The following ALX4 variants were observed in gnomAD, a reference collection of about 807,000 sequenced individuals.
The protein encoded by ALX4 is homeobox protein aristaless-like 4.
Under a neutral mutation model 40.6 loss-of-function variants are expected in ALX4, and 22 were observed. The observed-to-expected ratio is 0.54, with a 90% CI of 0.39 to 0.77. ALX4 has a LOEUF of 0.77. Among genes scored for constraint, ALX4 ranks in the 30% least tolerant of loss-of-function variants. The pLI, the probability that ALX4 is intolerant of heterozygous loss-of-function variation, is 0.00. For synonymous variants in ALX4, 266 were observed against 240.5 expected, an observed-to-expected ratio of 1.11 and a Z score of -0.98; for missense variants, 556 against 564.8, an observed-to-expected ratio of 0.98 and a Z score of 0.16.
chr11:44,265,098 C>G lies in ALX4; in HGVS notation c.992G>C (p.Cys331Ser). The G allele has an allele frequency of 1.2e-6, 2 of 1,612,598 alleles. No homozygotes were observed. Among genetic ancestry groups the G allele is most frequent in the Non-Finnish European group, 1.7e-6 (2 of 1,179,734 alleles). ...AGGGGGGTGGGCATGAGGGGACATG[C>G]AGGCAGGCACCGGGTCGCAGGGGAC... ...CVVPCDPVPA[C>S]MSPHAHPPGS... Residue 331 changes from cysteine to serine, a missense_variant, in exon 4 of 4, where the codon TGC (cysteine) becomes TCC (serine). Coordinates refer to ENST00000652299, the MANE Select transcript of ALX4 (RefSeq NM_021926.4).
chr11:44,298,547 A>T (rs1204841117), intron 1 of ALX4, among the ~76,000 whole-genome samples: 2 of 152,152 alleles, frequency 1.3e-5, no homozygotes, highest in Non-Finnish European at 2.9e-5. Context: ...CACGGAACTC[A>T]CTGTAGGGAA....
At chr11:44,300,090 A>G (rs1956426487) in intron 1 of ALX4, among the ~76,000 whole-genome samples, 1 of 152,188 alleles carries the variant, frequency 6.6e-6, no homozygotes, top group Non-Finnish European at 1.5e-5. Context: ...GCCAGGAGCC[A>G]GGCCTGGCAT....
At chr11:44,265,318 A>G (rs1242500198) in intron 3 of ALX4, 135 bp from the exon 4 acceptor site, 6 of 873,036 alleles carry the variant, frequency 6.9e-6, no homozygotes, top group Non-Finnish European at 8.7e-6. Context: ...TTTAGCCTTG[A>G]TGGACATCCA....
At chr11:44,277,487 G>A (rs1446626294) in intron 1 of ALX4, among the ~76,000 whole-genome samples, 2 of 152,174 alleles carry the variant, frequency 1.3e-5, no homozygotes, top group Non-Finnish European at 2.9e-5. Flanking sequence ...TCACGTGCAC[G>A]AGCTTTGATC....
chr11:44,265,230 T>G (rs758355772), intron 3 of ALX4, 47 bp from the exon 4 acceptor site: 4 of 1,533,904 alleles, frequency 2.6e-6, no homozygotes, highest in Middle Eastern at 2.0e-4. Context: ...GCAGGTGTGG[T>G]GTGGAAGGGG....
intron 1 of ALX4, among the ~76,000 whole-genome samples, chr11:44,287,215 TTC>T (rs1244880661): frequency 2.0e-5 from 3 of 152,208 alleles, no homozygotes; most frequent in Admixed American, 6.5e-5. Flanking sequence ...AGGACTGTTT[TTC>T]TCTTAGTCTA....
intron 1 of ALX4, among the ~76,000 whole-genome samples, chr11:44,281,095 A>G (rs1336393274): frequency 6.6e-6 from 1 of 151,438 alleles, no homozygotes; most frequent in East Asian, 1.9e-4. Context: ...TCCAAAGGTG[A>G]CTGATTTTTC....
At chr11:44,278,320 G>A (rs762833317) in intron 1 of ALX4, among the ~76,000 whole-genome samples, 1 of 152,202 alleles carries the variant, frequency 6.6e-6, no homozygotes, top group Non-Finnish European at 1.5e-5. Context: ...ACAGAGCACA[G>A]CCTCTCAGCT....
At chr11:44,303,982 C>T (rs1956451038) in intron 1 of ALX4, among the ~76,000 whole-genome samples, 1 of 152,166 alleles carries the variant, frequency 6.6e-6, no homozygotes, top group South Asian at 2.1e-4. Context: ...GCCGCGGTAA[C>T]TGATATTAGA....
chr11:44,275,446 C>T lies in ALX4; in HGVS notation c.679G>A (p.Glu227Lys), dbSNP rs376402455. ...NRTTFTSYQL[E>K]ELEKVFQKTH... The stretch of plus-strand genomic sequence containing the variant: ...TTCTGGAAGACCTTCTCCAGCTCCT[C>T]CAGCTGGTAGCTGGTGAAGGTGGTC... The change falls in exon 2 of 4, where the codon GAG (glutamate) becomes AAG (lysine). Residue 227 changes from glutamate (E) to lysine (K), a missense_variant. Coordinates refer to ENST00000652299, the MANE Select transcript of ALX4 (RefSeq NM_021926.4). The T allele has an allele frequency of 1.1e-5, 17 of 1,614,094 alleles. No homozygotes were observed. In the South Asian group the frequency reaches 1.5e-4, roughly 15 times the overall value.
intron 1 of ALX4, among the ~76,000 whole-genome samples, chr11:44,284,985 A>G (rs1956330311): frequency 6.6e-6 from 1 of 151,968 alleles, no homozygotes; most frequent in Non-Finnish European, 1.5e-5. Context: ...TTTTTTTGAG[A>G]TGGAGTCTCG....
At chr11:44,284,230 G>A (rs1437493249) in intron 1 of ALX4, among the ~76,000 whole-genome samples, 3 of 150,092 alleles carry the variant, frequency 2.0e-5, no homozygotes, top group African/African-American at 7.3e-5. Flanking sequence ...GGGGCGGGGC[G>A]GGGCTGGTCT....
Position 44,261,145 on chromosome 11 carries a change from CAT to C in ALX4, c.*3707_*3708del. On this transcript the variant is annotated 3_prime_UTR_variant, in exon 4 of 4. Coordinates refer to ENST00000652299, the MANE Select transcript of ALX4 (RefSeq NM_021926.4). ...TTATCCTGGGGGCCAGTTTACCAAC[CAT>C]CCTCCCCCAGCTAGGCCTGTTTGCC... 1 of 152,172 alleles carries C rather than the reference CAT, an allele frequency of 6.6e-6. No individual in the cohort carries two copies. The highest frequency in any genetic ancestry group is 1.5e-5 in the Non-Finnish European group (1 of 68,044). The allele number at this position is 152,172 out of a possible 1,614,324, so 9.4% of individuals were successfully genotyped here. A position where few individuals can be genotyped will look rare whatever the true frequency, so the allele number is the denominator to read the frequency against.
intron 1 of ALX4, among the ~76,000 whole-genome samples, chr11:44,293,490 G>C (rs954103259): frequency 2.0e-5 from 3 of 152,222 alleles, no homozygotes; most frequent in Non-Finnish European, 4.4e-5. Flanking sequence ...CAGCGAACGT[G>C]AGACAAATAC....
At chr11:44,286,525 G>A (rs1445906876) in intron 1 of ALX4, among the ~76,000 whole-genome samples, 1 of 152,118 alleles carries the variant, frequency 6.6e-6, no homozygotes, top group African/African-American at 2.4e-5. Flanking sequence ...GTCACTGGAC[G>A]GAAGGTGATG....
At chr11:44,305,272 AT>A (rs1956459578) in intron 1 of ALX4, among the ~76,000 whole-genome samples, 1 of 152,218 alleles carries the variant, frequency 6.6e-6, no homozygotes, top group South Asian at 2.1e-4. Flanking sequence ...ATGCAAGTCG[AT>A]TGACTTAAAA....
intron 1 of ALX4, among the ~76,000 whole-genome samples, chr11:44,309,154 T>TCCCGCAGC (rs1348687898): frequency 0.19 from 20,437 of 109,438 alleles, 4,088 homozygotes; most frequent in African/African-American, 0.24. Context: ...AGTCCTGCTG[T>TCCCGCAGC]CCCGCAGCCC....
chr11:44,303,375 C>T (rs946831128), intron 1 of ALX4, among the ~76,000 whole-genome samples: 4 of 152,134 alleles, frequency 2.6e-5, no homozygotes, highest in Admixed American at 2.0e-4. Flanking sequence ...GTACAAGCGG[C>T]GCCTTCACCG....
chr11:44,278,606 G>A (rs1956291476), intron 1 of ALX4, among the ~76,000 whole-genome samples: 1 of 152,212 alleles, frequency 6.6e-6, no homozygotes, highest in Admixed American at 6.5e-5. Context: ...ACCTCCAGCT[G>A]CCCACTGAGA....
Sources: allele counts gnomAD v4.1 joint callset (sites outside exome capture counted in the v4.1 genomes callset), GRCh38; gene constraint gnomAD v4.1.1; transcripts MANE v1.5; gene names NCBI Gene and HGNC (gene_info 2026-07-23, HGNC 2026-07-21).